The following CDC123 variants were observed in gnomAD, a reference collection of about 807,000 sequenced individuals.
CDC123 encodes translation initiation factor eIF2 assembly protein.
A neutral mutation model predicts 54.4 loss-of-function variants in CDC123; 37 were observed. The observed-to-expected ratio is 0.68, with a 90% CI of 0.52 to 0.89. CDC123 has a LOEUF of 0.89. Among genes scored for constraint, CDC123 ranks in the 40% least tolerant of loss-of-function variants. CDC123 has a pLI of 0.00. For missense variants in CDC123, 361 were observed against 412.1 expected, an observed-to-expected ratio of 0.88 and a Z score of 1.07; for synonymous variants, 144 against 136.8, an observed-to-expected ratio of 1.05 and a Z score of -0.37.
Position 12,217,414 on chromosome 10 carries a change from C to T in CDC123, c.387C>T (p.Asp129=). The T allele has an allele frequency of 6.2e-7, 1 of 1,614,030 alleles. No homozygotes were observed. ...CTCTGAAATGTAAAACCCTCAGCGACATCTTTCTGCTTTTCAAGAGTTCCG... is the reference window on the plus strand; with the variant it reads ...CTCTGAAATGTAAAACCCTCAGCGATATCTTTCTGCTTTTCAAGAGTTCCG... ...NSSLKCKTLS[D]IFLLFKSSDF... The change falls in exon 6 of 13, where the codon GAC becomes GAT. Residue 129 remains aspartate (D), a synonymous_variant. Transcript: ENST00000281141.
chr10:12,214,895 A>G (rs1403613182), intron 4 of CDC123, among the ~76,000 whole-genome samples: 1 of 152,156 alleles, frequency 6.6e-6, no homozygotes, highest in East Asian at 1.9e-4. Context: ...ATAAATGAAA[A>G]TTAATGACTG....
chr10:12,223,523 TG>T (rs1835764447), intron 6 of CDC123, among the ~76,000 whole-genome samples: 1 of 152,166 alleles, frequency 6.6e-6, no homozygotes, highest in South Asian at 2.1e-4. Flanking sequence ...TGACCTCAAG[TG>T]ATCCACCTGC....
intron 6 of CDC123, among the ~76,000 whole-genome samples, chr10:12,228,673 C>A (rs775946770): frequency 2.0e-5 from 3 of 152,144 alleles, no homozygotes; most frequent in South Asian, 2.1e-4. Flanking sequence ...CAGGTTCAAG[C>A]GATTCTCCTG....
chr10:12,198,620 C>A, intron 1 of CDC123, 85 bp from the exon 2 acceptor site: 1 of 766,778 alleles, frequency 1.3e-6, no homozygotes, highest in Admixed American at 2.3e-5. Context: ...AAAGACAATT[C>A]CAAAATTAAT....
At position 12,198,678 on chromosome 10, in the gene CDC123, A is replaced by C. The variant is rs191799081; in HGVS notation, c.75-27A>C. 3 of 1,280,730 alleles carry C rather than the reference A, an allele frequency of 2.3e-6. No homozygotes were observed. In the African/African-American group the frequency reaches 4.5e-5, roughly 19 times the overall value. 79.3% of individuals were successfully genotyped at this position (1,280,730 alleles called of 1,614,324 possible). On this transcript the variant is annotated intron_variant, in intron 1 of 12. Transcript: ENST00000281141. ...TGCTTATAGTTGGTCTTTTAAAATG[A>C]TGCCTTTTTTGGTGTTTTTTTTTTA...
chr10:12,223,759 AT>A (rs199689329), intron 6 of CDC123, among the ~76,000 whole-genome samples: 3 of 151,076 alleles, frequency 2.0e-5, no homozygotes, highest in Non-Finnish European at 3.0e-5. Flanking sequence ...CACTCCTTTT[AT>A]TTTTTTTTGG....
intron 2 of CDC123, among the ~76,000 whole-genome samples, chr10:12,202,155 A>G (rs762236564): frequency 2.0e-5 from 3 of 152,228 alleles, no homozygotes; most frequent in Admixed American, 1.3e-4. Context: ...GATAAAATGT[A>G]TAGGTCTTAA....
chr10:12,205,309 T>C (rs747307644), intron 2 of CDC123, among the ~76,000 whole-genome samples: 10 of 152,208 alleles, frequency 6.6e-5, no homozygotes, highest in Admixed American at 1.3e-4. Flanking sequence ...ACATTTTCTT[T>C]ATCCATCATC....
chr10:12,231,148 T>TA, intron 7 of CDC123, 152 bp downstream of exon 7: 9 of 630,882 alleles, frequency 1.4e-5, no homozygotes. Context: ...AATATACACA[T>TA]AAAAGGATAT....
intron 4 of CDC123, among the ~76,000 whole-genome samples, chr10:12,211,699 T>C (rs1835604550): frequency 6.6e-6 from 1 of 152,234 alleles, no homozygotes; most frequent in South Asian, 2.1e-4. Flanking sequence ...ATGACAGTGC[T>C]GTCAGATCAG....
intron 4 of CDC123, among the ~76,000 whole-genome samples, chr10:12,213,990 A>G: frequency 6.6e-6 from 1 of 152,234 alleles, no homozygotes; most frequent in East Asian, 1.9e-4. Context: ...GGCTAAAAAC[A>G]GATAACCTAG....
At chr10:12,219,577 C>T (rs1343593482) in intron 6 of CDC123, among the ~76,000 whole-genome samples, 2 of 152,098 alleles carry the variant, frequency 1.3e-5, no homozygotes, top group African/African-American at 4.8e-5. Context: ...AAAAATAGAA[C>T]AAAGTTGTGG....
intron 4 of CDC123, among the ~76,000 whole-genome samples, chr10:12,214,983 T>C (rs544667640): frequency 6.6e-6 from 1 of 152,306 alleles, no homozygotes; most frequent in African/African-American, 2.4e-5. Context: ...TTACCTTTTT[T>C]TCTTTCTTAT....
Position 12,246,100 on chromosome 10 carries a change from C to G in CDC123, c.718-49C>G, listed in dbSNP as rs763994308. On this transcript the variant is annotated intron_variant, in intron 10 of 12. Transcript: ENST00000281141. ...AAAAAAGTGTTTCTTTCTCAGAAGACAGAGTACAGAAGATGTTTGTTTTTG... is the reference window on the plus strand; with the variant it reads ...AAAAAAGTGTTTCTTTCTCAGAAGAGAGAGTACAGAAGATGTTTGTTTTTG... 2.5e-6 allele frequency: 4 copies of G among 1,583,534 alleles called. No individual in the cohort carries two copies. The African/African-American group carries it at 5.4e-5, about 21-fold the overall frequency.
At chr10:12,209,469 A>G (rs997583900) in intron 2 of CDC123, among the ~76,000 whole-genome samples, 5 of 152,196 alleles carry the variant, frequency 3.3e-5, no homozygotes, top group Non-Finnish European at 5.9e-5. Flanking sequence ...TCCTGGGCTC[A>G]AGCAATCCTC....
At chr10:12,244,156 C>G (rs937798771) in intron 10 of CDC123, among the ~76,000 whole-genome samples, 3 of 152,220 alleles carry the variant, frequency 2.0e-5, no homozygotes, top group South Asian at 2.1e-4. Flanking sequence ...GATGTTGCAT[C>G]TTTCTTAACA....
intron 1 of CDC123, among the ~76,000 whole-genome samples, chr10:12,197,150 T>C (rs185934858): frequency 1.3e-5 from 2 of 152,352 alleles, no homozygotes; most frequent in African/African-American, 4.8e-5. Flanking sequence ...TTAGATTCAT[T>C]GTACTTAACA....
chr10:12,218,158 C>T (rs1034399199), intron 6 of CDC123, among the ~76,000 whole-genome samples: 1 of 151,452 alleles, frequency 6.6e-6, no homozygotes, highest in Admixed American at 6.6e-5. Flanking sequence ...AGAATTCTAT[C>T]TATAGATAAA....
At position 12,198,728 on chromosome 10, in the gene CDC123, A is replaced by G; in HGVS notation, c.98A>G (p.Asn33Ser). The G allele has an allele frequency of 6.3e-7, 1 of 1,596,916 alleles. No individual in the cohort carries two copies. The highest frequency in any genetic ancestry group is 8.6e-7 in the Non-Finnish European group (1 of 1,169,262). ...IKSVILPLPQNVKDYLLDDGT... is the reference protein window; with the variant it reads ...IKSVILPLPQSVKDYLLDDGT... ...AGTGTCATTCTTCCACTTCCTCAGA[A>G]TGTGAAGGATTATTTACTCGATGAT... Residue 33 changes from asparagine to serine, a missense_variant, in exon 2 of 13, where the codon AAT (asparagine) becomes AGT (serine). By Grantham distance (46) the Asn-to-Ser change is conservative. Coordinates refer to ENST00000281141, the MANE Select transcript of CDC123 (RefSeq NM_006023.3).
Sources: gnomAD v4.1 joint callset for allele counts (sites outside exome capture counted in the v4.1 genomes callset) on GRCh38, gnomAD v4.1.1 for gene constraint, MANE v1.5 for transcripts, NCBI Gene and HGNC (gene_info 2026-07-23, HGNC 2026-07-21) for gene names.